Variants in PRR5L observed in about 807,000 individuals in gnomAD.
The protein encoded by PRR5L is proline rich 5 like.
PRR5L carries 21 observed loss-of-function variants against 36.4 expected under a neutral mutation model. That is an observed-to-expected ratio of 0.58 (90% CI 0.41 to 0.83). PRR5L has a LOEUF of 0.83. PRR5L is among the 40% of genes least tolerant of loss of function. The probability of loss-of-function intolerance (pLI) is 0.00; values close to 1 mark genes in which losing one functional copy is unlikely to be tolerated. For synonymous variants in PRR5L, 188 were observed against 197.0 expected, an observed-to-expected ratio of 0.95 and a Z score of 0.38; for missense variants, 381 against 473.3, an observed-to-expected ratio of 0.80 and a Z score of 1.81.
chr11:36,307,371 C>T (rs1419857461), intron 1 of PRR5L, among the ~76,000 whole-genome samples: 1 of 152,182 alleles, frequency 6.6e-6, no homozygotes, highest in East Asian at 1.9e-4. Flanking sequence ...AAGACGCTTT[C>T]AACTTCAAGT....
At chr11:36,351,493 A>C (rs1274138622) in intron 1 of PRR5L, among the ~76,000 whole-genome samples, 2 of 31,490 alleles carry the variant, frequency 6.4e-5, no homozygotes, top group African/African-American at 3.3e-4. Context: ...TTATATATTT[A>C]TATATATTTT....
chr11:36,442,362 GAC>G (rs1377428936), intron 6 of PRR5L, among the ~76,000 whole-genome samples: 1 of 146,000 alleles, frequency 6.8e-6, no homozygotes, highest in Non-Finnish European at 1.5e-5. Flanking sequence ...TTTTTTTCGA[GAC>G]AGAGTCTCAC....
At position 36,359,413 on chromosome 11, in the gene PRR5L, G is replaced by C. The variant is rs1195455541; in HGVS notation, c.-125-41584G>C. Among the ~76,000 whole-genome samples the C allele has an allele frequency of 9.9e-5, 15 of 152,264 alleles. 1 individual carries two copies. In the East Asian group the frequency reaches 1.7e-3, roughly 18 times the overall value. On this transcript the variant is annotated intron_variant, in intron 1 of 8. Coordinates refer to ENST00000530639, the MANE Select transcript of PRR5L (RefSeq NM_001160167.2). ...TTTATACAAGTGTATACTATTCTTT[G>C]AAATGGATTAATTTGTTACTGGAGT...
At chr11:36,408,609 C>T (rs1488939848) in intron 3 of PRR5L, among the ~76,000 whole-genome samples, 1 of 152,060 alleles carries the variant, frequency 6.6e-6, no homozygotes, top group South Asian at 2.1e-4. Flanking sequence ...GTTTTTAACA[C>T]CCCTCTCCAG....
chr11:36,312,503 G>A (rs1349800504), intron 1 of PRR5L, among the ~76,000 whole-genome samples: 3 of 152,218 alleles, frequency 2.0e-5, no homozygotes, highest in African/African-American at 7.2e-5. Flanking sequence ...GCCAGCCAGA[G>A]TGTTGTATGA....
chr11:36,379,498 T>C (rs1045374077), intron 1 of PRR5L: 6 of 152,268 alleles, frequency 3.9e-5, no homozygotes, highest in Non-Finnish European at 8.8e-5. Context: ...TCTCTGTATG[T>C]AAAATGTAAA....
chr11:36,421,254 G>A (rs542859495), intron 4 of PRR5L, among the ~76,000 whole-genome samples: 22 of 152,286 alleles, frequency 1.4e-4, no homozygotes, highest in African/African-American at 5.1e-4. Context: ...TGGTGCTGGG[G>A]GTTACCCCTA....
rs560546834 is a variant in PRR5L, at chr11:36,347,555, A to T, written c.-126+51117A>T. ...AACTAGATGTTTGCTGAAGACAGAG[A>T]CTGGGAAGGTGAAGAGTGTGGAAGT... On this transcript the variant is annotated intron_variant, in intron 1 of 8. Coordinates refer to ENST00000530639, the MANE Select transcript of PRR5L (RefSeq NM_001160167.2). 3.2e-4 allele frequency among the ~76,000 whole-genome samples: 49 copies of T among 152,158 alleles called. 1 individual carries two copies. The highest frequency in any genetic ancestry group is 3.4e-3 in the Middle Eastern group (1 of 294).
At chr11:36,336,849 A>G (rs978384298) in intron 1 of PRR5L, among the ~76,000 whole-genome samples, 1 of 152,098 alleles carries the variant, frequency 6.6e-6, no homozygotes, top group Admixed American at 6.5e-5. Flanking sequence ...ATTATCTCAT[A>G]TCATTATTTA....
intron 3 of PRR5L, among the ~76,000 whole-genome samples, chr11:36,413,926 T>C (rs1170048300): frequency 1.7e-4 from 24 of 139,124 alleles, no homozygotes; most frequent in Admixed American, 1.3e-3. Context: ...TGTGTTCTCA[T>C]TGTTCAATTC....
intron 1 of PRR5L, among the ~76,000 whole-genome samples, chr11:36,345,426 GGTT>G (rs1383909181): frequency 6.6e-6 from 1 of 152,104 alleles, no homozygotes; most frequent in African/African-American, 2.4e-5. Context: ...CTGGAGCTGC[GGTT>G]GTTAACCTAG....
chr11:36,398,564 C>G (rs913826554), intron 1 of PRR5L: 7 of 152,198 alleles, frequency 4.6e-5, no homozygotes, highest in Admixed American at 1.3e-4. Context: ...TTGAGAGTGG[C>G]GGATTCGGGA....
At chr11:36,336,249 T>C (rs959337061) in intron 1 of PRR5L, among the ~76,000 whole-genome samples, 3 of 152,218 alleles carry the variant, frequency 2.0e-5, no homozygotes, top group African/African-American at 7.2e-5. Flanking sequence ...TTTTTTTAAT[T>C]TGAGATGAGG....
intron 1 of PRR5L, among the ~76,000 whole-genome samples, chr11:36,328,727 C>G (rs775260715): frequency 6.6e-6 from 1 of 152,146 alleles, no homozygotes; most frequent in Admixed American, 6.5e-5. Context: ...TCCTGGGTTG[C>G]AAAACTCCCA....
intron 5 of PRR5L, 92 bp from the exon 6 acceptor site, chr11:36,437,293 A>G (rs1272563706): frequency 8.9e-6 from 8 of 902,894 alleles, no homozygotes; most frequent in South Asian, 6.5e-5. Context: ...GCAGCTTGAC[A>G]TTTTATGTGG....
intron 1 of PRR5L, among the ~76,000 whole-genome samples, chr11:36,379,632 T>A (rs1857335436): frequency 6.6e-6 from 1 of 151,894 alleles, no homozygotes. Context: ...TATTATGGGG[T>A]TTGGAATTGG....
At chr11:36,442,052 T>C (rs1858733053) in intron 6 of PRR5L, among the ~76,000 whole-genome samples, 1 of 152,172 alleles carries the variant, frequency 6.6e-6, no homozygotes. Flanking sequence ...CAGAGGTTTC[T>C]GAAATGACTT....
chr11:36,398,241 G>A (rs1001624726), intron 1 of PRR5L, among the ~76,000 whole-genome samples: 1 of 152,218 alleles, frequency 6.6e-6, no homozygotes, highest in Non-Finnish European at 1.5e-5. Context: ...CACCTTGGAT[G>A]TGTTTCTTTG....
chr11:36,387,425 A>C (rs1857478461), intron 1 of PRR5L, among the ~76,000 whole-genome samples: 1 of 152,254 alleles, frequency 6.6e-6, no homozygotes, highest in African/African-American at 2.4e-5. Flanking sequence ...AAAAAAAAGA[A>C]ATCGGTGATG....
Sources: allele counts gnomAD v4.1 joint callset (sites outside exome capture counted in the v4.1 genomes callset), GRCh38; gene constraint gnomAD v4.1.1; transcripts MANE v1.5; gene names NCBI Gene and HGNC (gene_info 2026-07-23, HGNC 2026-07-21).